Variants in ABCC8 observed in about 807,000 individuals in gnomAD.
The protein encoded by ABCC8 is ATP binding cassette subfamily C member 8.
In ABCC8, 137 loss-of-function variants were observed where a neutral mutation model predicts 188.0. The observed-to-expected ratio is 0.73, with a 90% CI of 0.63 to 0.84. The LOEUF (loss-of-function observed/expected upper bound fraction) is 0.84. Ranked by LOEUF, ABCC8 falls within the 40% of genes least tolerant of loss-of-function variation. The pLI is 0.00. For synonymous variants in ABCC8, 797 were observed against 846.5 expected (o/e 0.94, Z 1.01); for missense variants, 1,750 against 2,072.7 (o/e 0.84, Z 3.02).
intron 6 of ABCC8, among the ~76,000 whole-genome samples, chr11:17,458,541 G>A (rs545871557): frequency 1.3e-5 from 2 of 152,082 alleles, no homozygotes; most frequent in Non-Finnish European, 2.9e-5. Context: ...TTAACAACTG[G>A]CTCCATGCTG....
At chr11:17,450,527 T>C (rs1956769483) in intron 7 of ABCC8, among the ~76,000 whole-genome samples, 1 of 150,144 alleles carries the variant, frequency 6.7e-6, no homozygotes, top group Admixed American at 6.7e-5. Context: ...CCCGAGTAGC[T>C]GGGACTACAG....
At chr11:17,426,037 A>G in intron 16 of ABCC8, among the ~76,000 whole-genome samples, 1 of 152,210 alleles carries the variant, frequency 6.6e-6, no homozygotes, top group Non-Finnish European at 1.5e-5. Flanking sequence ...ATGTCTGCAT[A>G]GTATTCCATG....
intron 8 of ABCC8, 36 bp from the exon 9 acceptor site, chr11:17,443,348 T>C: frequency 4.3e-6 from 7 of 1,613,640 alleles, no homozygotes; most frequent in Non-Finnish European, 4.2e-6. Flanking sequence ...CCCTTTGACC[T>C]GATGGTTGCC....
intron 29 of ABCC8, 97 bp downstream of exon 29, chr11:17,402,564 C>T: frequency 1.9e-6 from 3 of 1,609,732 alleles, no homozygotes; most frequent in Non-Finnish European, 2.5e-6. Context: ...GTGTCCTTGG[C>T]CTTCCCAAGT....
intron 26 of ABCC8, chr11:17,406,349 C>CT: frequency 2.0e-6 from 1 of 510,778 alleles, no homozygotes; most frequent in South Asian, 2.5e-5. Context: ...AGAAAACAAT[C>CT]TTTACTTGGA....
At chr11:17,460,393 T>A (rs1957141077) in intron 6 of ABCC8, 95 bp downstream of exon 6, 1 of 1,565,246 alleles carries the variant, frequency 6.4e-7, no homozygotes, top group Non-Finnish European at 8.8e-7. Context: ...GCCACTCCAG[T>A]GTGGCCATGG....
At chr11:17,446,116 C>T (rs904132734) in intron 8 of ABCC8, among the ~76,000 whole-genome samples, 1 of 152,064 alleles carries the variant, frequency 6.6e-6, no homozygotes, top group Non-Finnish European at 1.5e-5. Flanking sequence ...CAGGCACACG[C>T]CATCATGCCC....
Position 17,427,299 on chromosome 11 carries a change from C to T in ABCC8, c.2117-145G>A, listed in dbSNP as rs556262607. 1.7e-5 allele frequency: 23 copies of T among 1,336,132 alleles called. No individual in the cohort carries two copies. The South Asian group carries it at 3.2e-4, about 19-fold the overall frequency. 82.8% of individuals were successfully genotyped at this position (1,336,132 alleles called of 1,614,324 possible). A position where few individuals can be genotyped will look rare whatever the true frequency, so the allele number is the denominator to read the frequency against. On this transcript the variant is annotated intron_variant, in intron 15 of 38. Coordinates refer to ENST00000389817, the MANE Select transcript of ABCC8 (RefSeq NM_000352.6). The surrounding 1 kb of genome is among the most constrained non-coding windows in gnomAD (Gnocchi z 5.0). ...CTAGAATCCCCAGCAAGTCCTCTCC[C>T]TCTTTAATCCTTTCCTTCTGGAAAT... is the stretch of plus-strand genomic sequence containing the variant.
At chr11:17,475,530 C>T (rs908695642) in intron 1 of ABCC8, among the ~76,000 whole-genome samples, 11 of 152,128 alleles carry the variant, frequency 7.2e-5, no homozygotes, top group African/African-American at 2.7e-4. Flanking sequence ...TGCCAAGGTA[C>T]CCCATTATAC....
chr11:17,402,510 G>A, intron 29 of ABCC8, 151 bp downstream of exon 29: 2 of 1,518,256 alleles, frequency 1.3e-6, no homozygotes, highest in Non-Finnish European at 8.8e-7. Flanking sequence ...CCTGCTGGTG[G>A]ATATCCCTTG....
At chr11:17,470,445 G>A (rs1192733523) in intron 2 of ABCC8, among the ~76,000 whole-genome samples, 1 of 152,126 alleles carries the variant, frequency 6.6e-6, no homozygotes, top group African/African-American at 2.4e-5. Context: ...ACTATGTGCT[G>A]AGCCCTAAGC....
intron 19 of ABCC8, among the ~76,000 whole-genome samples, 163 bp downstream of exon 19, chr11:17,414,349 C>T (rs754366688): frequency 1.7e-4 from 26 of 152,158 alleles, no homozygotes; most frequent in Non-Finnish European, 2.9e-4. Context: ...GCACACCTGG[C>T]CCCTCTCCAG....
chr11:17,412,873 C>T (rs1954882946), intron 20 of ABCC8, 127 bp from the exon 21 acceptor site: 3 of 1,527,130 alleles, frequency 2.0e-6, no homozygotes, highest in Admixed American at 4.0e-5. Context: ...CTGCTTCTCA[C>T]CTTGCATAGA....
At chr11:17,459,408 C>A (rs1957105848) in intron 6 of ABCC8, among the ~76,000 whole-genome samples, 1 of 152,212 alleles carries the variant, frequency 6.6e-6, no homozygotes, top group African/African-American at 2.4e-5. Flanking sequence ...TGAAAGTTTG[C>A]TGCATAAATC....
rs552531729 is a variant in ABCC8 at position 17,433,476 on chromosome 11, C to T, written c.1631-1232G>A. 2.0e-5 allele frequency among the ~76,000 whole-genome samples: 3 copies of T among 152,374 alleles called. No homozygotes were observed. In the East Asian group the frequency reaches 5.8e-4, roughly 29 times the overall value. On this transcript the variant is annotated intron_variant, in intron 10 of 38. Transcript: ENST00000389817. Reference sequence around the variant, plus strand: ...CTGCCCATTTACTCCAAGAATCCTGCAGCAGTCAGTACATACAAAGCATTG... The same window carrying T: ...CTGCCCATTTACTCCAAGAATCCTGTAGCAGTCAGTACATACAAAGCATTG...
chr11:17,454,183 T>C (rs1348268946), intron 6 of ABCC8, among the ~76,000 whole-genome samples: 1 of 152,034 alleles, frequency 6.6e-6, no homozygotes, highest in Non-Finnish European at 1.5e-5. Context: ...GAGAAGGAGT[T>C]TGAGGGCACA....
At chr11:17,399,953 C>T (rs995801868) in intron 29 of ABCC8, among the ~76,000 whole-genome samples, 48 of 152,230 alleles carry the variant, frequency 3.2e-4, no homozygotes, top group African/African-American at 1.2e-3. Flanking sequence ...CCGCTTCCCT[C>T]AGACCTTGCT....
At chr11:17,419,368 T>C (rs755266501) in intron 16 of ABCC8, among the ~76,000 whole-genome samples, 40 of 152,164 alleles carry the variant, frequency 2.6e-4, no homozygotes, top group Non-Finnish European at 3.2e-4. Flanking sequence ...TGAATCAGGG[T>C]GCAGAGGCTG....
chr11:17,456,950 G>A (rs1014492873), intron 6 of ABCC8, among the ~76,000 whole-genome samples: 19 of 152,194 alleles, frequency 1.2e-4, no homozygotes. Context: ...GGCAATAGGG[G>A]ACAGAGGATC....
Sources: allele counts gnomAD v4.1 joint callset (sites outside exome capture counted in the v4.1 genomes callset), GRCh38; gene constraint gnomAD v4.1.1; non-coding constraint Gnocchi (gnomAD v3.1); transcripts MANE v1.5; gene names NCBI Gene and HGNC (gene_info 2026-07-23, HGNC 2026-07-21).